ZSWIM2: variants seen among roughly 807,000 people sequenced by gnomAD.
ZSWIM2 encodes E3 ubiquitin-protein ligase ZSWIM2.
A neutral mutation model predicts 48.4 loss-of-function variants in ZSWIM2; 38 were observed. The ratio of observed to expected loss-of-function variants is 0.79; its 90% CI spans 0.61 to 1.03. The LOEUF (loss-of-function observed/expected upper bound fraction) is 1.03. Ranked by LOEUF, ZSWIM2 falls within the 50% of genes least tolerant of loss-of-function variation. The pLI, the probability that ZSWIM2 is intolerant of heterozygous loss-of-function variation, is 0.00. For synonymous variants in ZSWIM2, 240 were observed against 251.3 expected (o/e 0.96, Z 0.42); for missense variants, 776 against 730.2 (o/e 1.06, Z -0.72).
intron 7 of ZSWIM2, among the ~76,000 whole-genome samples, chr2:186,832,277 G>A (rs953765002): frequency 1.2e-4 from 18 of 145,746 alleles, no homozygotes; most frequent in Admixed American, 3.5e-4. Context: ...ACCACACCCC[G>A]CTAATTTTTT....
chr2:186,846,295 T>A (rs3114950), intron 2 of ZSWIM2, among the ~76,000 whole-genome samples: 1 of 151,588 alleles, frequency 6.6e-6, no homozygotes, highest in East Asian at 1.9e-4. Context: ...GGAAAAAACC[T>A]AATAACCTCA....
intron 4 of ZSWIM2, 36 bp downstream of exon 4, chr2:186,838,923 A>C (rs1040546002): frequency 1.3e-6 from 2 of 1,562,394 alleles, no homozygotes; most frequent in African/African-American, 1.4e-5. Flanking sequence ...TAGAATTTTT[A>C]ATTAGTTTTA....
Position 186,833,198 on chromosome 2 carries a change from C to CT in ZSWIM2, c.862dup (p.Arg288LysfsTer4). 6 of 1,542,140 alleles carry CT rather than the reference C, an allele frequency of 3.9e-6. No individual in the cohort carries two copies. Among genetic ancestry groups the CT allele is most frequent in the Admixed American group, 2.1e-5 (1 of 48,162 alleles). On this transcript the variant is annotated frameshift_variant, in exon 7 of 9. Coordinates refer to ENST00000295131, the MANE Select transcript of ZSWIM2 (RefSeq NM_182521.3). LOFTEE classifies it high-confidence loss of function. ...TATGTATTTTACAACTTCATCTGCTCTTTTTTCTAGTGATCTCCATTTTTG... is the reference window on the plus strand; with the variant it reads ...TATGTATTTTACAACTTCATCTGCTCTTTTTTTCTAGTGATCTCCATTTTTG...
At chr2:186,831,428 G>A (rs2105816154) in intron 7 of ZSWIM2, among the ~76,000 whole-genome samples, 1 of 151,480 alleles carries the variant, frequency 6.6e-6, no homozygotes, top group South Asian at 2.1e-4. Context: ...ATGAGAACAA[G>A]CACATTTTTT....
chr2:186,836,856 AG>A (rs1691802787), intron 5 of ZSWIM2, among the ~76,000 whole-genome samples: 1 of 152,128 alleles, frequency 6.6e-6, no homozygotes, highest in African/African-American at 2.4e-5. Context: ...CATTTGGAGT[AG>A]GGGGGACTGG....
intron 3 of ZSWIM2, among the ~76,000 whole-genome samples, chr2:186,841,300 C>A (rs1333061088): frequency 1.3e-5 from 2 of 150,932 alleles, no homozygotes; most frequent in Non-Finnish European, 3.0e-5. Context: ...ACTAACATGG[C>A]AAAATATTTC....
At chr2:186,833,331 C>T in intron 6 of ZSWIM2, 99 bp from the exon 7 acceptor site, 2 of 550,688 alleles carry the variant, frequency 3.6e-6, no homozygotes, top group Non-Finnish European at 6.3e-6. Context: ...GTGAACAATA[C>T]ACAATATTTT....
chr2:186,841,653 T>A (rs571241148), intron 3 of ZSWIM2, among the ~76,000 whole-genome samples: 1 of 151,406 alleles, frequency 6.6e-6, no homozygotes, highest in South Asian at 2.1e-4. Context: ...TTGCTTATAA[T>A]ATACCATATT....
chr2:186,836,518 G>A (rs1016372463), intron 5 of ZSWIM2, among the ~76,000 whole-genome samples: 1 of 151,886 alleles, frequency 6.6e-6, no homozygotes, highest in African/African-American at 2.4e-5. Context: ...AATGTTTTAC[G>A]GTTTTATGAC....
In ZSWIM2 at chr2:186,829,804, G is replaced by A; in HGVS notation, c.1018C>T (p.Pro340Ser). 1 of 1,613,642 alleles carries A rather than the reference G, an allele frequency of 6.2e-7. No homozygotes were observed. The highest frequency in any genetic ancestry group is 8.5e-7 in the Non-Finnish European group (1 of 1,179,758). The change falls in exon 8 of 9, where the codon CCA becomes TCA. Residue 340 changes from proline to serine, a missense_variant. Coordinates refer to ENST00000295131, the MANE Select transcript of ZSWIM2 (RefSeq NM_182521.3). ...AAACAAAGTAGACACTGGTAGCCTG[G>A]AGCAAGCAGCTTACTATTCTTAGTA... ...LITKNSKLLA[P>S]GYQCLLCLKA... is the part of the protein sequence containing the mutation.
At chr2:186,837,247 T>C in intron 5 of ZSWIM2, 59 bp downstream of exon 5, 1 of 1,582,238 alleles carries the variant, frequency 6.3e-7, no homozygotes, top group South Asian at 1.1e-5. Flanking sequence ...ATGCTCAAAG[T>C]TTCCTGATGT....
At chr2:186,828,913 A>C (rs1468126592) in intron 8 of ZSWIM2, 123 bp from the exon 9 acceptor site, 1 of 596,592 alleles carries the variant, frequency 1.7e-6, no homozygotes, top group Admixed American at 3.8e-5. Context: ...AAAAATAATT[A>C]TTTATCAAGT....
chr2:186,849,155 C>G lies in ZSWIM2; in HGVS notation c.-25G>C, dbSNP rs753171903. ...TGCTGGGTGCGGGCGGAGGCGGCCC[C>G]TCTGCTCGGCTCACTGAGGCGCCAG... is the stretch of plus-strand genomic sequence containing the variant. On this transcript the variant is annotated 5_prime_UTR_variant, in exon 1 of 9. Transcript: ENST00000295131. 5.7e-6 allele frequency: 9 copies of G among 1,584,238 alleles called. No homozygotes were observed. The African/African-American group carries it at 8.1e-5, about 14-fold the overall frequency.
intron 5 of ZSWIM2, among the ~76,000 whole-genome samples, chr2:186,836,858 G>T (rs1373224549): frequency 6.6e-6 from 1 of 152,054 alleles, no homozygotes; most frequent in Non-Finnish European, 1.5e-5. Context: ...TTTGGAGTAG[G>T]GGGGACTGGA....
chr2:186,842,792 T>C (rs1691927674), intron 3 of ZSWIM2, among the ~76,000 whole-genome samples: 1 of 151,548 alleles, frequency 6.6e-6, no homozygotes, highest in South Asian at 2.1e-4. Context: ...TTTGTTAAAT[T>C]AAAAATTTAG....
Position 186,839,404 on chromosome 2 carries a change from A to G in ZSWIM2, c.284-235T>C, listed in dbSNP as rs575597869. Reference sequence around the variant, plus strand: ...TTTTTCTTGTAACTGAAAAAGAGTCAATGCAAACAGTGCACTTGAATATGA... The same window carrying G: ...TTTTTCTTGTAACTGAAAAAGAGTCGATGCAAACAGTGCACTTGAATATGA... On this transcript the variant is annotated intron_variant, in intron 3 of 8. Transcript: ENST00000295131. Among the ~76,000 whole-genome samples the G allele has an allele frequency of 3.4e-4, 52 of 151,854 alleles. 1 individual carries two copies. Among genetic ancestry groups the G allele is most frequent in the African/African-American group, 1.2e-3 (49 of 41,514 alleles).
intron 7 of ZSWIM2, 125 bp downstream of exon 7, chr2:186,832,995 C>T (rs534164383): frequency 2.9e-5 from 12 of 416,126 alleles, no homozygotes; most frequent in African/African-American, 2.3e-4. Context: ...TACAATGCCA[C>T]CTAGTATCTA....
rs772335933 is a variant in ZSWIM2, at chr2:186,828,775, T to C, written c.1111A>G (p.Ile371Val). ...CACTTGTGGAATAACCAGTTGTCAA[T>C]ACACTTCCTGTGAAACTTTAAAAAA... ...PCTHKFHRKC[I>V]DNWLFHKCNS... Residue 371 changes from isoleucine to valine, a missense_variant, in exon 9 of 9, where the codon ATT (isoleucine) becomes GTT (valine). Physicochemically the swap from Ile to Val is conservative, Grantham distance 29. Coordinates refer to ENST00000295131, the MANE Select transcript of ZSWIM2 (RefSeq NM_182521.3). The C allele has an allele frequency of 3.2e-6, 5 of 1,553,170 alleles. No homozygotes were observed. In the African/African-American group the frequency reaches 4.3e-5, roughly 13 times the overall value.
rs1222921057 is a variant in ZSWIM2, at chr2:186,828,571, C to T, written c.1315G>A (p.Gly439Arg). 1.2e-6 allele frequency: 2 copies of T among 1,612,776 alleles called. No individual in the cohort carries two copies. Among genetic ancestry groups the T allele is most frequent in the Non-Finnish European group, 1.7e-6 (2 of 1,179,298 alleles). The stretch of plus-strand genomic sequence containing the variant: ...CACTGAGGTATGCTAGGTAAAATTC[C>T]AAGTCTATTTTGTTTTAAGACTAAT... ...TGLVLKQNRL[G>R]ILPSIPQCNF... Residue 439 changes from glycine (G) to arginine (R), a missense_variant, in exon 9 of 9, where the codon GGA (glycine) becomes AGA (arginine). Coordinates refer to ENST00000295131, the MANE Select transcript of ZSWIM2 (RefSeq NM_182521.3).
Sources: gnomAD v4.1 joint callset for allele counts (sites outside exome capture counted in the v4.1 genomes callset) on GRCh38, gnomAD v4.1.1 for gene constraint, MANE v1.5 for transcripts, NCBI Gene and HGNC (gene_info 2026-07-23, HGNC 2026-07-21) for gene names.